The following RBFOX1 variants were observed in gnomAD, a reference collection of about 807,000 sequenced individuals.
RBFOX1 encodes RNA binding protein fox-1 homolog 1.
A neutral mutation model predicts 57.7 loss-of-function variants in RBFOX1; 8 were observed. The observed-to-expected ratio is 0.14, with a 90% confidence interval of 0.08 to 0.25. The LOEUF is 0.25. Among genes scored for constraint, RBFOX1 ranks in the 10% least tolerant of loss-of-function variants. The probability of loss-of-function intolerance (pLI) is 1.00; values close to 1 mark genes in which losing one functional copy is unlikely to be tolerated. For synonymous variants in RBFOX1, 326 were observed against 222.4 expected (o/e 1.47, Z -4.15); for missense variants, 611 against 548.5 (o/e 1.11, Z -1.14).
intron 4 of RBFOX1, among the ~76,000 whole-genome samples, chr16:7,098,401 C>G (rs528087281): frequency 4.0e-4 from 61 of 152,264 alleles, no homozygotes; most frequent in African/African-American, 1.2e-3. Context: ...AACTCCTGAC[C>G]TCAAGTGATC....
At chr16:6,235,048 A>G (rs535475184) in intron 1 of RBFOX1, among the ~76,000 whole-genome samples, 21 of 152,286 alleles carry the variant, frequency 1.4e-4, no homozygotes, top group Non-Finnish European at 2.4e-4. Flanking sequence ...AAAGATTGGC[A>G]GGGACATTGG....
intron 4 of RBFOX1, among the ~76,000 whole-genome samples, chr16:7,467,720 G>T (rs1233515089): frequency 1.3e-5 from 2 of 152,114 alleles, no homozygotes; most frequent in East Asian, 3.9e-4. Context: ...CTGTCTACTG[G>T]GACACCCCTT....
intron 2 of RBFOX1, among the ~76,000 whole-genome samples, chr16:5,543,690 A>G (rs774174615): frequency 6.6e-6 from 1 of 152,162 alleles, no homozygotes; most frequent in African/African-American, 2.4e-5. Context: ...AAGAAACTCA[A>G]TGAACACACA....
chr16:7,087,500 C>G (rs1441362156), intron 4 of RBFOX1, among the ~76,000 whole-genome samples: 1 of 148,048 alleles, frequency 6.8e-6, no homozygotes, highest in Non-Finnish European at 1.5e-5. Flanking sequence ...AATTTGTTAC[C>G]TAAGCAGGCT....
At chr16:5,589,032 G>A (rs1461336488) in intron 2 of RBFOX1, among the ~76,000 whole-genome samples, 1 of 152,194 alleles carries the variant, frequency 6.6e-6, no homozygotes, top group African/African-American at 2.4e-5. Context: ...CTGAAAAACT[G>A]CATAGAGAGG....
chr16:7,461,366 C>T (rs1013285165), intron 4 of RBFOX1, among the ~76,000 whole-genome samples: 6 of 152,230 alleles, frequency 3.9e-5, no homozygotes, highest in African/African-American at 1.4e-4. Context: ...TGGGGTTTCA[C>T]CATGTTGGCC....
At chr16:7,525,620 G>A (rs930072211) in intron 5 of RBFOX1, among the ~76,000 whole-genome samples, 1 of 152,166 alleles carries the variant, frequency 6.6e-6, no homozygotes, top group Non-Finnish European at 1.5e-5. Context: ...TGCGGACTCT[G>A]TGTGTTTGGG....
At chr16:6,814,233 CAG>C (rs545462396) in intron 3 of RBFOX1, among the ~76,000 whole-genome samples, 6 of 136,444 alleles carry the variant, frequency 4.4e-5, no homozygotes, top group African/African-American at 1.1e-4. Flanking sequence ...TGTAATAACA[CAG>C]AGAGAAAATT....
chr16:7,209,277 G>C (rs923116504), intron 4 of RBFOX1, among the ~76,000 whole-genome samples: 2 of 152,112 alleles, frequency 1.3e-5, no homozygotes, highest in Non-Finnish European at 2.9e-5. Flanking sequence ...AGAGGTTGCA[G>C]TGAGCTGATA....
intron 2 of RBFOX1, among the ~76,000 whole-genome samples, chr16:6,450,766 T>A (rs1462741520): frequency 3.8e-5 from 1 of 26,070 alleles, no homozygotes; most frequent in African/African-American, 2.4e-4. Flanking sequence ...TATATATATG[T>A]GTATATATAT....
rs545590567 is a variant in RBFOX1, at chr16:6,570,334, G to A, written c.-63-84269G>A. On this transcript the variant is annotated intron_variant, in intron 2 of 15. Transcript: ENST00000550418. ...TCTCAATGTATGCTGCATAAGCAAA[G>A]GATTGTGTTCCAGGCCCCTCCTGGA... is the stretch of plus-strand genomic sequence containing the variant. 9.2e-5 allele frequency among the ~76,000 whole-genome samples: 14 copies of A among 152,222 alleles called. No homozygotes were observed. The South Asian group carries it at 2.9e-3, about 32-fold the overall frequency.
chr16:6,582,716 C>T (rs2097553577), intron 2 of RBFOX1, among the ~76,000 whole-genome samples: 1 of 151,634 alleles, frequency 6.6e-6, no homozygotes, highest in Admixed American at 6.6e-5. Context: ...TTCTCATCTT[C>T]TTCCTCTCCT....
intron 2 of RBFOX1, among the ~76,000 whole-genome samples, chr16:6,531,228 G>A (rs932514675): frequency 5.3e-5 from 8 of 152,170 alleles, no homozygotes; most frequent in African/African-American, 1.4e-4. Context: ...GGACATCTCT[G>A]AGACAGCCAT....
At chr16:5,752,231 G>C (rs1017139730) in intron 3 of RBFOX1, among the ~76,000 whole-genome samples, 1 of 152,142 alleles carries the variant, frequency 6.6e-6, no homozygotes, top group South Asian at 2.1e-4. Flanking sequence ...TGAGAACACA[G>C]GGACACATAG....
At chr16:7,447,430 C>CAAAAAAAAAAAA (rs202234230) in intron 4 of RBFOX1, among the ~76,000 whole-genome samples, 10 of 98,518 alleles carry the variant, frequency 1.0e-4, no homozygotes, top group African/African-American at 3.5e-4. Context: ...GAGTCTATCT[C>CAAAAAAAAAAAA]AAAAAAAAAA....
intron 1 of RBFOX1, among the ~76,000 whole-genome samples, chr16:5,278,120 C>A (rs1397130595): frequency 1.3e-5 from 2 of 152,132 alleles, no homozygotes; most frequent in African/African-American, 4.8e-5. Flanking sequence ...ACATTGCCAC[C>A]AACAATATAC....
At chr16:6,963,198 C>G (rs1399241071) in intron 3 of RBFOX1, among the ~76,000 whole-genome samples, 2 of 152,026 alleles carry the variant, frequency 1.3e-5, no homozygotes, top group Non-Finnish European at 2.9e-5. Flanking sequence ...CGGAGTCCGT[C>G]ATGCCATAAT....
At chr16:7,552,710 T>C (rs1229688744) in intron 5 of RBFOX1, among the ~76,000 whole-genome samples, 1 of 152,056 alleles carries the variant, frequency 6.6e-6, no homozygotes, top group African/African-American at 2.4e-5. Flanking sequence ...TGCAATGGAG[T>C]GTTACTCTGT....
intron 3 of RBFOX1, among the ~76,000 whole-genome samples, chr16:6,849,520 T>G (rs979498466): frequency 6.6e-6 from 1 of 151,962 alleles, no homozygotes; most frequent in East Asian, 1.9e-4. Flanking sequence ...AATACAAAAA[T>G]TAGCTGGGTA....
Sources: gnomAD v4.1 joint callset for allele counts (sites outside exome capture counted in the v4.1 genomes callset) on GRCh38, gnomAD v4.1.1 for gene constraint, MANE v1.5 for transcripts, NCBI Gene and HGNC (gene_info 2026-07-23, HGNC 2026-07-21) for gene names.